MTOR: variants seen among roughly 807,000 people sequenced by gnomAD.
The protein encoded by MTOR is serine/threonine-protein kinase mTOR.
A neutral mutation model predicts 319.8 loss-of-function variants in MTOR; 70 were observed. The ratio of observed to expected loss-of-function variants is 0.22; its 90% CI spans 0.18 to 0.27. The LOEUF is 0.27. Among genes scored for constraint, MTOR ranks in the 10% least tolerant of loss-of-function variants. MTOR has a pLI of 1.00. For synonymous variants in MTOR, 1,183 were observed against 1,211.4 expected (o/e 0.98, Z 0.49); for missense variants, 1,890 against 3,274.4 (o/e 0.58, Z 10.32).
rs757173592 is a variant in MTOR at position 11,130,713 on chromosome 1, G to A, written c.5429C>T (p.Ala1810Val). The change falls in exon 39 of 58, where the codon GCC (alanine) becomes GTC (valine). Residue 1810 changes from alanine to valine, a missense_variant. Physicochemically the swap from Ala to Val is moderately conservative, Grantham distance 64 (BLOSUM62 0). Transcript: ENST00000361445. ...AVLHYKHQNQ[A>V]RDEKKKLRHA... ...ACGCAGTTTCTTCTTCTCATCGCGG[G>A]CTTGGTTCTGATGTTTGTAGTGTAG... 6.3e-7 allele frequency: 1 copy of A among 1,599,988 alleles called. No individual in the cohort carries two copies. The highest frequency in any genetic ancestry group is 2.2e-5 in the East Asian group (1 of 44,518).
chr1:11,256,950 C>A lies in MTOR; in HGVS notation c.487G>T (p.Gly163Cys). 1 of 1,613,850 alleles carries A rather than the reference C, an allele frequency of 6.2e-7. No individual in the cohort carries two copies. The highest frequency in any genetic ancestry group is 1.6e-4 in the Middle Eastern group (1 of 6,062). ...LEWLGADRNE[G>C]RRHAAVLVLR... ...ACACTCACAGCTGCATGTCTCCGGC[C>A]CTCATTGCGGTCAGCACCCAGCCAT... Residue 163 changes from glycine (G) to cysteine (C), a missense_variant, in exon 4 of 58, where the codon GGC (glycine) becomes TGC (cysteine). By Grantham distance (159) the Gly-to-Cys change is radical. Transcript: ENST00000361445.
In MTOR at chr1:11,119,626, A is replaced by T. The variant is rs370476918; in HGVS notation, c.6933+1620T>A. On this transcript the variant is annotated intron_variant, in intron 49 of 57. Coordinates refer to ENST00000361445, the MANE Select transcript of MTOR (RefSeq NM_004958.4). ...CCGGGCATGGTGGCACGCGCCTGTA[A>T]TTCCAGGTACTCTGGAGGCTGAGGC... 6.6e-3 allele frequency among the ~76,000 whole-genome samples: 976 copies of T among 148,446 alleles called. 16 individuals carry two copies. Among genetic ancestry groups the T allele is most frequent in the African/African-American group, 0.023 (918 of 40,040 alleles).
At chr1:11,209,067 G>T (rs1019976278) in intron 25 of MTOR, among the ~76,000 whole-genome samples, 1 of 152,152 alleles carries the variant, frequency 6.6e-6, no homozygotes, top group Non-Finnish European at 1.5e-5. Context: ...GCAACAAAAG[G>T]TTCTACCATC....
At chr1:11,200,592 C>T (rs1391344298) in intron 26 of MTOR, among the ~76,000 whole-genome samples, 1 of 152,234 alleles carries the variant, frequency 6.6e-6, no homozygotes, top group Non-Finnish European at 1.5e-5. Context: ...CATTTGATGC[C>T]TCTATACCTA....
intron 31 of MTOR, among the ~76,000 whole-genome samples, chr1:11,147,546 C>T (rs1041045371): frequency 1.3e-5 from 2 of 152,250 alleles, no homozygotes; most frequent in South Asian, 4.1e-4. Context: ...CATTTTCCTG[C>T]CTCTCACTCC....
At chr1:11,111,840 A>G (rs1641896657) in intron 54 of MTOR, 1 of 151,708 alleles carries the variant, frequency 6.6e-6, no homozygotes. Flanking sequence ...ACACCCTAAC[A>G]GTAATTCCCA....
rs1642107218 is a variant in MTOR at position 11,115,290 on chromosome 1, G to A, written c.7089+106C>T. 1 of 1,050,452 alleles carries A rather than the reference G, an allele frequency of 9.5e-7. No homozygotes were observed. The highest frequency in any genetic ancestry group is 1.5e-6 in the Non-Finnish European group (1 of 673,300). 65.1% of individuals were successfully genotyped at this position (1,050,452 alleles called of 1,614,324 possible). Reference sequence around the variant, plus strand: ...CTACAGCCTTGGTAGGGCCAGCAGGGGTTAAGAGTAAGGCAGTTTGGGCTT... The same window carrying A: ...CTACAGCCTTGGTAGGGCCAGCAGGAGTTAAGAGTAAGGCAGTTTGGGCTT... On this transcript the variant is annotated intron_variant, in intron 51 of 57. Coordinates refer to ENST00000361445, the MANE Select transcript of MTOR (RefSeq NM_004958.4). The surrounding 1 kb of genome is among the most constrained non-coding windows in gnomAD (Gnocchi z 4.5).
intron 15 of MTOR, 57 bp downstream of exon 15, chr1:11,233,341 G>C: frequency 6.8e-7 from 1 of 1,479,020 alleles, no homozygotes; most frequent in Non-Finnish European, 9.4e-7. Flanking sequence ...GACTTCCTTA[G>C]AGGTTAGTTT....
chr1:11,184,279 G>C (rs1318735773), intron 28 of MTOR, among the ~76,000 whole-genome samples: 1 of 152,206 alleles, frequency 6.6e-6, no homozygotes, highest in Non-Finnish European at 1.5e-5. Context: ...GCTAGGGAGG[G>C]ATTAGAATCC....
intron 30 of MTOR, among the ~76,000 whole-genome samples, chr1:11,151,218 G>A (rs902466557): frequency 5.3e-5 from 8 of 152,134 alleles, no homozygotes; most frequent in East Asian, 1.9e-4. Context: ...TGTGGACCAC[G>A]TCTAGGAGAG....
rs1356402190 is a variant in MTOR, at chr1:11,246,330, G to C, written c.1225+1295C>G. Among the ~76,000 whole-genome samples, 6 of 151,614 alleles carry C rather than the reference G, an allele frequency of 4.0e-5. No homozygotes were observed. In the East Asian group the frequency reaches 1.2e-3, roughly 29 times the overall value. On this transcript the variant is annotated intron_variant, in intron 8 of 57. Transcript: ENST00000361445. ...CCAGACTTTGATCAAATTTGGCCTA[G>C]TTATTAGTTCCTTTTGAACCACAGA...
In MTOR at chr1:11,179,987, C is replaced by T. The variant is rs1030861674; in HGVS notation, c.4254-12470G>A. On this transcript the variant is annotated intron_variant, in intron 28 of 57. Coordinates refer to ENST00000361445, the MANE Select transcript of MTOR (RefSeq NM_004958.4). ...AGTGCAGTGGTGCAATCATAGCTCA[C>T]TGCAGCCTCAAACTCCTGGACTCAA... Among the ~76,000 whole-genome samples, 6 of 152,332 alleles carry T rather than the reference C, an allele frequency of 3.9e-5. No homozygotes were observed. In the East Asian group the frequency reaches 5.8e-4, roughly 15 times the overall value.
rs746817048 is a variant in MTOR at position 11,127,046 on chromosome 1, A to G, written c.6315T>C (p.Tyr2105=). ...GCTTTGAGATTCGTCGGAACACATG[A>G]TAATAGAGGTCCCAGGCTTGGGTGA... is the stretch of plus-strand genomic sequence containing the variant. ...KDLTQAWDLY[Y]HVFRRISKQL... is the part of the protein sequence containing the mutation. The change falls in exon 45 of 58, where the codon TAT becomes TAC. Residue 2105 remains tyrosine, a synonymous_variant. Transcript: ENST00000361445. This position sits in a 1 kb window ranked among gnomAD's most constrained non-coding sequence, Gnocchi z 5.5. 9.3e-6 allele frequency: 15 copies of G among 1,614,036 alleles called. No homozygotes were observed. The highest frequency in any genetic ancestry group is 1.6e-4 in the Middle Eastern group (1 of 6,084).
chr1:11,232,235 ACT>A (rs1647042478), intron 16 of MTOR, among the ~76,000 whole-genome samples, 199 bp downstream of exon 16: 1 of 152,156 alleles, frequency 6.6e-6, no homozygotes, highest in African/African-American at 2.4e-5. Context: ...AATTACTGAA[ACT>A]GACTCTGGGT....
At chr1:11,160,247 T>C (rs887735073) in intron 29 of MTOR, among the ~76,000 whole-genome samples, 3 of 152,212 alleles carry the variant, frequency 2.0e-5, no homozygotes, top group South Asian at 2.1e-4. Flanking sequence ...ATTACAGGTA[T>C]GCACCACCAT....
chr1:11,224,083 T>TA (rs539349195), intron 19 of MTOR, among the ~76,000 whole-genome samples: 3 of 150,002 alleles, frequency 2.0e-5, no homozygotes, highest in African/African-American at 5.0e-5. Flanking sequence ...TAAAATAAAA[T>TA]AAATAGGCCA....
intron 53 of MTOR, among the ~76,000 whole-genome samples, chr1:11,113,723 C>CT (rs1334569505): frequency 3.3e-5 from 5 of 152,132 alleles, no homozygotes; most frequent in Non-Finnish European, 7.4e-5. Flanking sequence ...GGTGATCCTC[C>CT]TGCCTCTGCC....
In MTOR at chr1:11,115,943, C is replaced by T. The variant is rs1353829742; in HGVS notation, c.7017-475G>A. Reference sequence around the variant, plus strand: ...GAGCAGCCGTAACAGGGTCTCATCTCCTTAAGTCCCTGAGCCAATCCCGGC... The same window carrying T: ...GAGCAGCCGTAACAGGGTCTCATCTTCTTAAGTCCCTGAGCCAATCCCGGC... On this transcript the variant is annotated intron_variant, in intron 50 of 57. Coordinates refer to ENST00000361445, the MANE Select transcript of MTOR (RefSeq NM_004958.4). This position sits in a 1 kb window ranked among gnomAD's most constrained non-coding sequence, Gnocchi z 4.5. 6.6e-6 allele frequency among the ~76,000 whole-genome samples: 1 copy of T among 152,206 alleles called. No individual in the cohort carries two copies. The highest frequency in any genetic ancestry group is 2.4e-5 in the African/African-American group (1 of 41,440).
intron 3 of MTOR, among the ~76,000 whole-genome samples, chr1:11,257,449 G>T (rs1451925864): frequency 6.7e-6 from 1 of 149,218 alleles, no homozygotes; most frequent in Non-Finnish European, 1.5e-5. Context: ...TGTAATCCCA[G>T]CTACTTGGGA....
Sources: gnomAD v4.1 joint callset for allele counts (sites outside exome capture counted in the v4.1 genomes callset) on GRCh38, gnomAD v4.1.1 for gene constraint, Gnocchi (gnomAD v3.1) non-coding constraint, MANE v1.5 for transcripts, NCBI Gene and HGNC (gene_info 2026-07-23, HGNC 2026-07-21) for gene names.